Variants in SHANK1 observed in about 807,000 individuals in gnomAD.
SHANK1 encodes SH3 and multiple ankyrin repeat domains protein 1.
SHANK1 carries 35 observed loss-of-function variants against 165.6 expected under a neutral mutation model. That is an observed-to-expected ratio of 0.21 (90% CI 0.16 to 0.28). The LOEUF (loss-of-function observed/expected upper bound fraction) is 0.28. Among genes scored for constraint, SHANK1 ranks in the 10% least tolerant of loss-of-function variants. The pLI is 1.00. For missense variants in SHANK1, 2,681 were observed against 3,036.4 expected, an observed-to-expected ratio of 0.88 and a Z score of 2.75; for synonymous variants, 1,428 against 1,384.8, an observed-to-expected ratio of 1.03 and a Z score of -0.69.
At chr19:50,676,294 C>A (rs918993624) in intron 21 of SHANK1, among the ~76,000 whole-genome samples, 1 of 152,062 alleles carries the variant, frequency 6.6e-6, no homozygotes, top group Non-Finnish European at 1.5e-5. Flanking sequence ...CGGAACAAGA[C>A]CTTGTCTCAA....
chr19:50,665,751 A>AAAAAAAAAAAAAAAAAAAAAAAAAAC (rs1985468047), intron 23 of SHANK1, among the ~76,000 whole-genome samples: 1 of 147,284 alleles, frequency 6.8e-6, no homozygotes, highest in African/African-American at 2.5e-5. Context: ...AAAAAAAAAA[A>AAAAAAAAAAAAAAAAAAAAAAAAAAC]AGCCAGGCAT....
At chr19:50,714,399 C>A in intron 4 of SHANK1, 109 bp from the exon 5 acceptor site, 1 of 879,864 alleles carries the variant, frequency 1.1e-6, no homozygotes, top group Non-Finnish European at 1.8e-6. Flanking sequence ...TCACATACGC[C>A]ATTGAAAAGC....
intron 12 of SHANK1, among the ~76,000 whole-genome samples, chr19:50,699,607 T>C (rs1312527569): frequency 1.3e-5 from 2 of 152,068 alleles, no homozygotes; most frequent in Non-Finnish European, 2.9e-5. Context: ...ACAAGAAAGC[T>C]TGGGACATTG....
At chr19:50,687,869 G>A (rs538373431) in intron 18 of SHANK1, 54 bp downstream of exon 18, 18 of 1,606,326 alleles carry the variant, frequency 1.1e-5, no homozygotes, top group East Asian at 2.2e-5. Context: ...TGGGGCTCCC[G>A]CAGGGCTGAG....
Position 50,666,205 on chromosome 19 carries a change from G to A in SHANK1, c.5755C>T (p.Leu1919=), listed in dbSNP as rs1985500608. The change falls in exon 23 of 24, where the codon CTG becomes TTG. Residue 1919 remains leucine, a synonymous_variant. Coordinates refer to ENST00000293441, the MANE Select transcript of SHANK1 (RefSeq NM_016148.5). ...GCCCCCGCTTACCTCTGCCGCTGCA[G>A]GGAGGAGGTCCTCTCGGGGACATAG... ...ASYVPERTSS[L]QRQRLSDDSQ... is the part of the protein sequence containing the mutation. 1 of 1,599,608 alleles carries A rather than the reference G, an allele frequency of 6.3e-7. No individual in the cohort carries two copies.
chr19:50,703,513 G>T lies in SHANK1; in HGVS notation c.1540C>A (p.Arg514=), dbSNP rs1250206534. The change falls in exon 11 of 24, where the codon CGA becomes AGA. Residue 514 remains arginine (R), a synonymous_variant. Coordinates refer to ENST00000293441, the MANE Select transcript of SHANK1 (RefSeq NM_016148.5). ...RHPEDAKRQP[R]GRPSSSGTPR... is the part of the protein sequence containing the mutation. ...TGCCTCCCCTACCTGGGCCGGCCTC[G>T]GGGCTGCCTCTTGGCGTCCTCAGGG... 5 of 1,541,436 alleles carry T rather than the reference G, an allele frequency of 3.2e-6. No individual in the cohort carries two copies. In the African/African-American group the frequency reaches 6.8e-5, roughly 21 times the overall value.
At chr19:50,680,181 G>A (rs1289881561) in intron 21 of SHANK1, among the ~76,000 whole-genome samples, 2 of 151,794 alleles carry the variant, frequency 1.3e-5, no homozygotes, top group East Asian at 1.9e-4. Context: ...TGAGAGAGGC[G>A]AAGAGCGACA....
In SHANK1 at chr19:50,716,487, G is replaced by A. The variant is rs772901686; in HGVS notation, c.256-9C>T. 1.2e-6 allele frequency: 2 copies of A among 1,613,908 alleles called. No homozygotes were observed. The highest frequency in any genetic ancestry group is 2.2e-5 in the South Asian group (2 of 91,066). On this transcript the variant is annotated splice_polypyrimidine_tract_variant and intron_variant, in intron 2 of 23. Coordinates refer to ENST00000293441, the MANE Select transcript of SHANK1 (RefSeq NM_016148.5). This position sits in a 1 kb window ranked among gnomAD's most constrained non-coding sequence, Gnocchi z 8.4. ...TTGAAGCGAAGGCATTTCTGGTTGG[G>A]GAAGAGATAGGGGCTAGGGTGGGCC...
At chr19:50,663,391 G>T (rs1284081516) in intron 23 of SHANK1, among the ~76,000 whole-genome samples, 1 of 151,990 alleles carries the variant, frequency 6.6e-6, no homozygotes, top group Non-Finnish European at 1.5e-5. Context: ...CCCACCTCAG[G>T]GCCTTTGAAC....
Position 50,686,647 on chromosome 19 carries a change from A to C in SHANK1, c.2458+97T>G. ...GGATCGCAGCCTCTCTGGGGCAGGA[A>C]GGTGAGGGGCGCCGTGGGGTTCATG... On this transcript the variant is annotated intron_variant, in intron 20 of 23. Coordinates refer to ENST00000293441, the MANE Select transcript of SHANK1 (RefSeq NM_016148.5). This position sits in a 1 kb window ranked among gnomAD's most constrained non-coding sequence, Gnocchi z 5.7. The C allele has an allele frequency of 8.7e-7, 1 of 1,154,420 alleles. No individual in the cohort carries two copies. Among genetic ancestry groups the C allele is most frequent in the Non-Finnish European group, 1.3e-6 (1 of 792,220 alleles). The allele number at this position is 1,154,420 out of a possible 1,614,324, so 71.5% of individuals were successfully genotyped here.
rs117509143 is a variant in SHANK1 at position 50,660,396 on chromosome 19, C to T, written c.*1569G>A. Among the ~76,000 whole-genome samples, 1 of 151,918 alleles carries T rather than the reference C, an allele frequency of 6.6e-6. No homozygotes were observed. Among genetic ancestry groups the T allele is most frequent in the East Asian group, 1.9e-4 (1 of 5,140 alleles). On this transcript the variant is annotated 3_prime_UTR_variant, in exon 24 of 24. Transcript: ENST00000293441. ...TGAGGGCTGGAGGCAGGGAGAGGCT[C>T]GAGTGTGGAAGCATGGTGAGCAGGA...
Position 50,702,668 on chromosome 19 carries a change from C to A in SHANK1, c.1554-8G>T. ...CGGGGTGTCCCGCTGGAGCTGCGTA[C>A]ACAGAGGGCATGAGAGGAGGGGAGG... On this transcript the variant is annotated splice_polypyrimidine_tract_variant and splice_region_variant and intron_variant, in intron 11 of 23. Transcript: ENST00000293441. The surrounding 1 kb of genome is among the most constrained non-coding windows in gnomAD (Gnocchi z 5.3). The A allele has an allele frequency of 6.4e-7, 1 of 1,554,926 alleles. No homozygotes were observed. Among genetic ancestry groups the A allele is most frequent in the Non-Finnish European group, 8.7e-7 (1 of 1,151,406 alleles).
intron 21 of SHANK1, among the ~76,000 whole-genome samples, chr19:50,681,483 G>A (rs1269894076): frequency 6.6e-6 from 1 of 152,100 alleles, no homozygotes; most frequent in Admixed American, 6.5e-5. Flanking sequence ...TCTGGGGGTG[G>A]AGGTCTTTGG....
At position 50,697,048 on chromosome 19, in the gene SHANK1, C is replaced by T. The variant is rs201715966; in HGVS notation, c.1964+48G>A. ...ACGTTCACACGCCCCCCAGGCACCC[C>T]GTCCTTCCCCTCCTGACCCCATCCC... On this transcript the variant is annotated intron_variant, in intron 15 of 23. Transcript: ENST00000293441. The surrounding 1 kb of genome is among the most constrained non-coding windows in gnomAD (Gnocchi z 4.7). The T allele has an allele frequency of 6.1e-5, 94 of 1,529,844 alleles. No individual in the cohort carries two copies. Among genetic ancestry groups the T allele is most frequent in the Non-Finnish European group, 7.6e-5 (84 of 1,103,534 alleles). 94.8% of individuals were successfully genotyped at this position (1,529,844 alleles called of 1,614,324 possible).
chr19:50,674,879 TG>T (rs2123101990), intron 21 of SHANK1, among the ~76,000 whole-genome samples: 1 of 152,088 alleles, frequency 6.6e-6, no homozygotes, highest in South Asian at 2.1e-4. Context: ...CTGGCCAACA[TG>T]GTGAAATTCC....
intron 15 of SHANK1, among the ~76,000 whole-genome samples, chr19:50,696,188 C>G (rs1226807572): frequency 6.6e-6 from 1 of 152,166 alleles, no homozygotes; most frequent in Non-Finnish European, 1.5e-5. Context: ...ACAAGTGACC[C>G]CCACAGACGG....
intron 21 of SHANK1, among the ~76,000 whole-genome samples, chr19:50,677,188 C>T (rs151269226): frequency 0.011 from 1,577 of 148,528 alleles, 33 homozygotes; most frequent in African/African-American, 0.037. Context: ...AGTGCAATGG[C>T]ACTATCTTGG....
rs759568371 is a variant in SHANK1, at chr19:50,704,329, C to G, written c.1155+108G>C. The G allele has an allele frequency of 1.5e-5, 20 of 1,320,864 alleles. No homozygotes were observed. The Middle Eastern group carries it at 5.9e-4, about 39-fold the overall frequency. 81.8% of individuals were successfully genotyped at this position (1,320,864 alleles called of 1,614,324 possible). ...CTGTCTTCTTCCAGCTCCCCCTCCA[C>G]GGCCTGTCTCCTTGCTTTCCTCATT... On this transcript the variant is annotated intron_variant, in intron 9 of 23. Coordinates refer to ENST00000293441, the MANE Select transcript of SHANK1 (RefSeq NM_016148.5).
intron 15 of SHANK1, among the ~76,000 whole-genome samples, chr19:50,691,998 A>C (rs1238626394): frequency 6.6e-6 from 1 of 152,110 alleles, no homozygotes; most frequent in Non-Finnish European, 1.5e-5. Flanking sequence ...GTTTCACTTT[A>C]TAGGTGAGGA....
Sources: allele counts gnomAD v4.1 joint callset (sites outside exome capture counted in the v4.1 genomes callset), GRCh38; gene constraint gnomAD v4.1.1; non-coding constraint Gnocchi (gnomAD v3.1); transcripts MANE v1.5; gene names NCBI Gene and HGNC (gene_info 2026-07-23, HGNC 2026-07-21).